CADM2: variants seen among roughly 807,000 people sequenced by gnomAD.
CADM2 encodes cell adhesion molecule 2.
In CADM2, 12 loss-of-function variants were observed where a neutral mutation model predicts 49.8. The observed-to-expected ratio is 0.24, with a 90% CI of 0.15 to 0.39. The LOEUF (loss-of-function observed/expected upper bound fraction) is 0.39. CADM2 is among the 10% of genes least tolerant of loss of function. The pLI, the probability that CADM2 is intolerant of heterozygous loss-of-function variation, is 1.00. For synonymous variants in CADM2, 214 were observed against 175.4 expected (o/e 1.22, Z -1.74); for missense variants, 378 against 492.3 (o/e 0.77, Z 2.20).
At chr3:85,428,613 T>C (rs941697930) in intron 1 of CADM2, among the ~76,000 whole-genome samples, 5 of 146,358 alleles carry the variant, frequency 3.4e-5, no homozygotes, top group African/African-American at 4.9e-5. Flanking sequence ...ATATAAAATA[T>C]ATAAAATATT....
At chr3:85,869,481 C>T (rs778807244) in intron 3 of CADM2, among the ~76,000 whole-genome samples, 2 of 151,888 alleles carry the variant, frequency 1.3e-5, no homozygotes, top group Non-Finnish European at 2.9e-5. Flanking sequence ...TAGCCCAATC[C>T]CTAATTTCTA....
chr3:85,025,859 A>G (rs550044475), intron 1 of CADM2, among the ~76,000 whole-genome samples: 1 of 152,266 alleles, frequency 6.6e-6, no homozygotes, highest in South Asian at 2.1e-4. Context: ...GATGGCTGAG[A>G]ACTTTTGTAT....
At chr3:86,056,865 C>T (rs1027905312) in intron 8 of CADM2, among the ~76,000 whole-genome samples, 4 of 152,088 alleles carry the variant, frequency 2.6e-5, no homozygotes, top group Non-Finnish European at 5.9e-5. Flanking sequence ...TTTTTATGAG[C>T]TTCATGGGAA....
At position 86,069,122 on chromosome 3, in the gene CADM2, C is replaced by T. The variant is rs983747874; in HGVS notation, c.*2339C>T. 1 of 151,950 alleles carries T rather than the reference C, an allele frequency of 6.6e-6. No homozygotes were observed. Among genetic ancestry groups the T allele is most frequent in the Admixed American group, 6.6e-5 (1 of 15,238 alleles). 9.4% of individuals were successfully genotyped at this position (151,950 alleles called of 1,614,324 possible). ...ATGCACTTACAAAATTGCTACTCTT[C>T]ATCGATGCCGTATTTACATCCCTCT... On this transcript the variant is annotated 3_prime_UTR_variant, in exon 10 of 10. Transcript: ENST00000383699.
chr3:85,019,290 C>G (rs980503844), intron 1 of CADM2, among the ~76,000 whole-genome samples: 33 of 152,128 alleles, frequency 2.2e-4, no homozygotes, highest in African/African-American at 5.3e-4. Context: ...TGCGACCAAC[C>G]TGGGCAACAT....
chr3:85,917,114 G>C (rs1053606171), intron 6 of CADM2, among the ~76,000 whole-genome samples: 34 of 151,976 alleles, frequency 2.2e-4, no homozygotes, highest in Non-Finnish European at 1.2e-4. Flanking sequence ...CCATTCTGTA[G>C]GTTGCCTGTT....
intron 1 of CADM2, among the ~76,000 whole-genome samples, chr3:85,572,128 C>G (rs1453556528): frequency 6.6e-6 from 1 of 152,008 alleles, no homozygotes; most frequent in Admixed American, 6.5e-5. Flanking sequence ...GAAACCCTGT[C>G]TCTACTAAAA....
At chr3:85,487,749 T>TGTGTGTGC (rs1421364615) in intron 1 of CADM2, among the ~76,000 whole-genome samples, 5 of 151,248 alleles carry the variant, frequency 3.3e-5, no homozygotes, top group Non-Finnish European at 7.4e-5. Flanking sequence ...CGTGTGTGCG[T>TGTGTGTGC]GTGTGTGCGT....
intron 3 of CADM2, among the ~76,000 whole-genome samples, chr3:85,859,388 G>T (rs893665188): frequency 5.3e-5 from 8 of 151,628 alleles, no homozygotes; most frequent in African/African-American, 1.9e-4. Context: ...GCGTCACCAC[G>T]CCAGGCTAAT....
Position 86,073,620 on chromosome 3 carries a change from G to A in CADM2, c.*6837G>A, listed in dbSNP as rs1308375407. The A allele has an allele frequency of 6.6e-6, 1 of 151,884 alleles. No individual in the cohort carries two copies. Among genetic ancestry groups the A allele is most frequent in the Non-Finnish European group, 1.5e-5 (1 of 67,860 alleles). The allele number at this position is 151,884 out of a possible 1,614,324, so 9.4% of individuals were successfully genotyped here. A position where few individuals can be genotyped will look rare whatever the true frequency, so the allele number is the denominator to read the frequency against. ...AGAAAAAAATTGTCTGATAAATATG[G>A]AAAAATAAAATTTGAATTTTAGTTA... On this transcript the variant is annotated 3_prime_UTR_variant, in exon 10 of 10. Transcript: ENST00000383699.
chr3:85,390,186 TAA>T (rs368161046), intron 1 of CADM2, among the ~76,000 whole-genome samples: 1 of 152,056 alleles, frequency 6.6e-6, no homozygotes, highest in Non-Finnish European at 1.5e-5. Flanking sequence ...TCTGAGGATT[TAA>T]AAAAATAAGT....
intron 3 of CADM2, among the ~76,000 whole-genome samples, chr3:85,878,387 G>A (rs1712231948): frequency 6.6e-6 from 1 of 152,016 alleles, no homozygotes; most frequent in Non-Finnish European, 1.5e-5. Context: ...CTGCTTTTCA[G>A]AGCCTAGTTT....
rs1473643288 is a variant in CADM2 at position 85,068,083 on chromosome 3, T to G, written c.61+108415T>G. Among the ~76,000 whole-genome samples, 3 of 152,164 alleles carry G rather than the reference T, an allele frequency of 2.0e-5. No individual in the cohort carries two copies. In the East Asian group the frequency reaches 5.8e-4, roughly 29 times the overall value. ...CAAAAAATAAAATATTTTCTGTTTCTCTAGACACTATTTTTAACGCAGACT... is the reference window on the plus strand; with the variant it reads ...CAAAAAATAAAATATTTTCTGTTTCGCTAGACACTATTTTTAACGCAGACT... On this transcript the variant is annotated intron_variant, in intron 1 of 9. Transcript: ENST00000383699.
At chr3:85,863,466 C>T (rs937039491) in intron 3 of CADM2, among the ~76,000 whole-genome samples, 7 of 152,152 alleles carry the variant, frequency 4.6e-5, no homozygotes, top group Non-Finnish European at 1.0e-4. Context: ...GGGCTCTGCC[C>T]TCTTGAATGG....
chr3:85,298,543 C>A (rs1172222094), intron 1 of CADM2, among the ~76,000 whole-genome samples: 1 of 151,958 alleles, frequency 6.6e-6, no homozygotes, highest in Admixed American at 6.6e-5. Flanking sequence ...ACTAGGGATT[C>A]CAAACAGGAA....
At chr3:85,606,074 A>C (rs1397249838) in intron 1 of CADM2, among the ~76,000 whole-genome samples, 2 of 152,094 alleles carry the variant, frequency 1.3e-5, no homozygotes, top group African/African-American at 4.8e-5. Context: ...AAATACAACG[A>C]ATAGAGACTG....
intron 1 of CADM2, among the ~76,000 whole-genome samples, chr3:85,454,937 C>T (rs74538517): frequency 0.034 from 5,165 of 152,190 alleles, 294 homozygotes; most frequent in African/African-American, 0.12. Context: ...TTCAATGCTG[C>T]CTTATTTTTG....
At chr3:85,659,437 G>C (rs1577035135) in intron 1 of CADM2, among the ~76,000 whole-genome samples, 1 of 151,558 alleles carries the variant, frequency 6.6e-6, no homozygotes, top group East Asian at 1.9e-4. Flanking sequence ...AAAAGTACTG[G>C]GTTAAAGTTA....
At chr3:85,611,579 AG>A (rs1255903359) in intron 1 of CADM2, among the ~76,000 whole-genome samples, 3 of 152,072 alleles carry the variant, frequency 2.0e-5, no homozygotes, top group African/African-American at 7.2e-5. Flanking sequence ...ATAATTTAAA[AG>A]TGTTACTGAA....
Sources: gnomAD v4.1 joint callset for allele counts (sites outside exome capture counted in the v4.1 genomes callset) on GRCh38, gnomAD v4.1.1 for gene constraint, MANE v1.5 for transcripts, NCBI Gene and HGNC (gene_info 2026-07-23, HGNC 2026-07-21) for gene names.